Variants in ELMO1 observed in about 807,000 individuals in gnomAD.
The protein encoded by ELMO1 is engulfment and cell motility protein 1.
ELMO1 carries 26 observed loss-of-function variants against 98.9 expected under a neutral mutation model. The ratio of observed to expected loss-of-function variants is 0.26; its 90% CI spans 0.19 to 0.36. The LOEUF is 0.36. ELMO1 is among the 10% of genes least tolerant of loss of function. The pLI is 1.00. For missense variants in ELMO1, 627 were observed against 935.2 expected, an observed-to-expected ratio of 0.67 and a Z score of 4.30; for synonymous variants, 346 against 346.0, an observed-to-expected ratio of 1.00 and a Z score of 0.00.
At chr7:36,982,683 G>A (rs1791169488) in intron 16 of ELMO1, among the ~76,000 whole-genome samples, 1 of 152,106 alleles carries the variant, frequency 6.6e-6, no homozygotes, top group Non-Finnish European at 1.5e-5. Context: ...TTTCCACTTA[G>A]CATTGCAATC....
At chr7:37,432,619 A>G (rs1418005989) in intron 1 of ELMO1, among the ~76,000 whole-genome samples, 1 of 152,256 alleles carries the variant, frequency 6.6e-6, no homozygotes, top group African/African-American at 2.4e-5. Flanking sequence ...TAGTCTAGAA[A>G]CGTATATTAT....
chr7:37,416,547 C>T (rs776275430), intron 1 of ELMO1, among the ~76,000 whole-genome samples: 3 of 152,192 alleles, frequency 2.0e-5, no homozygotes, highest in African/African-American at 4.8e-5. Context: ...GCCCCTGGAA[C>T]TGGATAATGC....
At chr7:37,262,019 A>C (rs1387319086) in intron 5 of ELMO1, among the ~76,000 whole-genome samples, 1 of 152,224 alleles carries the variant, frequency 6.6e-6, no homozygotes, top group Non-Finnish European at 1.5e-5. Flanking sequence ...ACCTTTAAGG[A>C]AGAACCTTTG....
At chr7:37,382,798 A>G (rs1025365366) in intron 1 of ELMO1, among the ~76,000 whole-genome samples, 1 of 151,844 alleles carries the variant, frequency 6.6e-6, no homozygotes, top group African/African-American at 2.4e-5. Flanking sequence ...TAACCACTCC[A>G]CAGAGATACT....
intron 13 of ELMO1, among the ~76,000 whole-genome samples, chr7:37,205,522 C>T (rs1792564284): frequency 6.6e-6 from 1 of 152,162 alleles, no homozygotes; most frequent in Non-Finnish European, 1.5e-5. Context: ...CCTTCTTACA[C>T]TTCGGAACAT....
chr7:37,103,149 C>T (rs6971150), intron 14 of ELMO1, among the ~76,000 whole-genome samples: 29,142 of 152,100 alleles, frequency 0.19, 3,524 homozygotes, highest in African/African-American at 0.34. Context: ...ACAACTGATA[C>T]TACTATCACC....
intron 13 of ELMO1, among the ~76,000 whole-genome samples, chr7:37,157,675 A>C (rs1167004409): frequency 6.6e-6 from 1 of 152,194 alleles, no homozygotes; most frequent in Non-Finnish European, 1.5e-5. Context: ...AAATGGAAGA[A>C]CATTCCATGC....
intron 16 of ELMO1, among the ~76,000 whole-genome samples, chr7:36,975,483 G>T (rs1013338898): frequency 6.6e-6 from 1 of 151,518 alleles, no homozygotes; most frequent in African/African-American, 2.4e-5. Context: ...AAACAAAACA[G>T]AAAATTTTCA....
At chr7:37,344,302 G>T (rs1048483278) in intron 1 of ELMO1, among the ~76,000 whole-genome samples, 1 of 152,180 alleles carries the variant, frequency 6.6e-6, no homozygotes, top group African/African-American at 2.4e-5. Context: ...GAAGTGCTGG[G>T]ATTGCAGGCG....
chr7:37,247,633 T>C (rs965252823), intron 6 of ELMO1, among the ~76,000 whole-genome samples: 3 of 152,206 alleles, frequency 2.0e-5, no homozygotes, highest in Admixed American at 2.0e-4. Context: ...TACAGGGTAT[T>C]CTATAAAATG....
intron 1 of ELMO1, among the ~76,000 whole-genome samples, chr7:37,423,451 C>G (rs113827953): frequency 0.077 from 11,665 of 152,092 alleles, 601 homozygotes; most frequent in Non-Finnish European, 0.095. Flanking sequence ...GCAGCGGTGG[C>G]TGCCTGTAAT....
At chr7:37,073,230 A>G in intron 15 of ELMO1, among the ~76,000 whole-genome samples, 1 of 152,232 alleles carries the variant, frequency 6.6e-6, no homozygotes, top group East Asian at 1.9e-4. Context: ...ATTAAAGAAT[A>G]TGCCCTTGAA....
intron 8 of ELMO1, among the ~76,000 whole-genome samples, chr7:37,227,035 A>C: frequency 6.6e-6 from 1 of 152,200 alleles, no homozygotes; most frequent in East Asian, 1.9e-4. Flanking sequence ...AAAAATTAAA[A>C]AGGGGGATTA....
At chr7:36,891,923 A>G (rs1241847923) in intron 17 of ELMO1, among the ~76,000 whole-genome samples, 2 of 152,186 alleles carry the variant, frequency 1.3e-5, no homozygotes, top group Non-Finnish European at 2.9e-5. Context: ...TTTTTGGACT[A>G]TTCAAGCTTT....
chr7:37,215,880 T>A (rs1793251907), intron 11 of ELMO1, among the ~76,000 whole-genome samples: 1 of 152,224 alleles, frequency 6.6e-6, no homozygotes, highest in Non-Finnish European at 1.5e-5. Context: ...CATACTTGAA[T>A]AATAATAAAA....
At chr7:37,223,317 A>G (rs567250988) in intron 9 of ELMO1, among the ~76,000 whole-genome samples, 6 of 152,222 alleles carry the variant, frequency 3.9e-5, no homozygotes, top group Non-Finnish European at 8.8e-5. Context: ...ACAAAGAGTG[A>G]CTTATGAGCT....
At chr7:37,301,648 C>T (rs1445235285) in intron 4 of ELMO1, among the ~76,000 whole-genome samples, 1 of 147,724 alleles carries the variant, frequency 6.8e-6, no homozygotes, top group Non-Finnish European at 1.5e-5. Context: ...TTTACAAGTG[C>T]AGTTGATGGC....
At chr7:37,109,256 T>G (rs1209528173) in intron 14 of ELMO1, among the ~76,000 whole-genome samples, 1 of 152,236 alleles carries the variant, frequency 6.6e-6, no homozygotes, top group Non-Finnish European at 1.5e-5. Flanking sequence ...AAAGGCTTGT[T>G]TAGGAAAACC....
At chr7:37,005,107 C>CAAAAAAAAAAAAAAAAAAAAAA (rs35665315) in intron 16 of ELMO1, among the ~76,000 whole-genome samples, 1 of 38,294 alleles carries the variant, frequency 2.6e-5, no homozygotes, top group Non-Finnish European at 6.2e-5. Flanking sequence ...GGCTCTGTCT[C>CAAAAAAAAAAAAAAAAAAAAAA]AAAAAAAAAA....
Sources: allele counts gnomAD v4.1 joint callset (sites outside exome capture counted in the v4.1 genomes callset), GRCh38; gene constraint gnomAD v4.1.1; transcripts MANE v1.5; gene names NCBI Gene and HGNC (gene_info 2026-07-23, HGNC 2026-07-21).